CNST: variants seen among roughly 807,000 people sequenced by gnomAD.
The protein encoded by CNST is consortin, connexin sorting protein, also known as consortin.
In CNST, 39 loss-of-function variants were observed where a neutral mutation model predicts 72.4. The observed-to-expected ratio is 0.54, with a 90% CI of 0.42 to 0.70. CNST has a LOEUF of 0.70. Among genes scored for constraint, CNST ranks in the 30% least tolerant of loss-of-function variants. The pLI is 0.00. For missense variants in CNST, 871 were observed against 868.5 expected (o/e 1.00, Z -0.04); for synonymous variants, 332 against 320.1 (o/e 1.04, Z -0.40).
Position 246,570,410 on chromosome 1 carries a change from A to AT in CNST, c.-52+3748dup, listed in dbSNP as rs370812372. ...AATACTACTTTAGCTGCTGTGTGTT[A>AT]TATCTACATTAATAGCTAAATTAGC... On this transcript the variant is annotated intron_variant, in intron 1 of 10. Transcript: ENST00000366513. Among the ~76,000 whole-genome samples, 221 of 152,358 alleles carry AT rather than the reference A, an allele frequency of 1.5e-3. 1 individual carries two copies. The highest frequency in any genetic ancestry group is 5.0e-3 in the African/African-American group (208 of 41,576).
chr1:246,594,747 C>T (rs981639845), intron 2 of CNST, among the ~76,000 whole-genome samples: 2 of 152,048 alleles, frequency 1.3e-5, no homozygotes, highest in Admixed American at 6.6e-5. Flanking sequence ...CCAGTCTAGG[C>T]GATAGTGCCA....
intron 4 of CNST, among the ~76,000 whole-genome samples, chr1:246,633,482 C>T (rs1162675869): frequency 1.3e-5 from 2 of 150,860 alleles, no homozygotes; most frequent in African/African-American, 2.4e-5. Context: ...GTGATTCATG[C>T]CTGTAATCCC....
At chr1:246,621,852 G>A (rs553756255) in intron 3 of CNST, among the ~76,000 whole-genome samples, 9 of 152,114 alleles carry the variant, frequency 5.9e-5, no homozygotes, top group South Asian at 2.1e-4. Flanking sequence ...AAAATTAGCC[G>A]GGCATGGTGG....
At chr1:246,614,243 G>C (rs1022499531) in intron 2 of CNST, among the ~76,000 whole-genome samples, 3 of 152,020 alleles carry the variant, frequency 2.0e-5, no homozygotes, top group Non-Finnish European at 4.4e-5. Flanking sequence ...AGAGACTGAA[G>C]GTAATTTTAT....
intron 2 of CNST, among the ~76,000 whole-genome samples, chr1:246,618,096 C>G (rs528091728): frequency 6.6e-6 from 1 of 152,292 alleles, no homozygotes; most frequent in African/African-American, 2.4e-5. Context: ...CTAGAAGATA[C>G]TTGTATTAGG....
At chr1:246,660,441 G>C in intron 10 of CNST, 107 bp downstream of exon 10, 1 of 1,273,966 alleles carries the variant, frequency 7.8e-7, no homozygotes, top group Non-Finnish European at 1.1e-6. Context: ...AAAAGACTAT[G>C]TCCGCCAGGC....
At chr1:246,662,219 G>C (rs1237969054) in intron 10 of CNST, among the ~76,000 whole-genome samples, 1 of 152,168 alleles carries the variant, frequency 6.6e-6, no homozygotes, top group East Asian at 1.9e-4. Flanking sequence ...GACTTACACG[G>C]TGTTTTCATA....
intron 2 of CNST, among the ~76,000 whole-genome samples, chr1:246,598,381 C>G (rs1185858226): frequency 6.6e-6 from 1 of 152,032 alleles, no homozygotes; most frequent in Non-Finnish European, 1.5e-5. Flanking sequence ...CTTCTTTTGT[C>G]AGTACTTTTT....
rs1410230227 is a variant in CNST, at chr1:246,647,684, A to T, written c.1483A>T (p.Lys495Ter). Residue 495 changes from lysine (K) to a stop codon, truncating the protein, a stop_gained, in exon 9 of 11, where the codon AAA becomes TAA. Coordinates refer to ENST00000366513, the MANE Select transcript of CNST (RefSeq NM_152609.3). LOFTEE classifies it high-confidence loss of function. The stretch of plus-strand genomic sequence containing the variant: ...GCCTGATCTTACAGACAGTGATGGA[A>T]AATCACCACAGGCGCAGGCTGACTC... ...QQPDLTDSDG[K>*]SPQAQADSDG... 1 of 1,614,200 alleles carries T rather than the reference A, an allele frequency of 6.2e-7. No homozygotes were observed. The highest frequency in any genetic ancestry group is 1.3e-5 in the African/African-American group (1 of 75,050).
At chr1:246,662,680 C>T (rs922304295) in intron 10 of CNST, among the ~76,000 whole-genome samples, 1 of 152,188 alleles carries the variant, frequency 6.6e-6, no homozygotes, top group Non-Finnish European at 1.5e-5. Flanking sequence ...CGTGAGCCAC[C>T]GCACCTGGCC....
In CNST at chr1:246,666,337, CTTATGGTTTCAG is replaced by C. The variant is rs1667389134; in HGVS notation, c.*434_*445del. The stretch of plus-strand genomic sequence containing the variant: ...TTTGTGTGTAATCAGAAGGAGTTAC[CTTATGGTTTCAG>C]TGTCATTCTTTAGTTAACTTGGGAG... On this transcript the variant is annotated 3_prime_UTR_variant, in exon 11 of 11. Transcript: ENST00000366513. 2 of 157,088 alleles carry C rather than the reference CTTATGGTTTCAG, an allele frequency of 1.3e-5. No homozygotes were observed. The highest frequency in any genetic ancestry group is 4.8e-5 in the African/African-American group (2 of 41,566). 9.7% of individuals were successfully genotyped at this position (157,088 alleles called of 1,614,324 possible).
intron 2 of CNST, among the ~76,000 whole-genome samples, chr1:246,605,422 T>TA (rs1553374654): frequency 1.3e-5 from 2 of 152,176 alleles, no homozygotes. Context: ...AAGGCTCTAA[T>TA]ATCAGTTGGA....
At chr1:246,570,557 A>G (rs1343455786) in intron 1 of CNST, among the ~76,000 whole-genome samples, 1 of 152,202 alleles carries the variant, frequency 6.6e-6, no homozygotes, top group Non-Finnish European at 1.5e-5. Context: ...TGTCAAATAT[A>G]GTCATGATAG....
intron 10 of CNST, among the ~76,000 whole-genome samples, chr1:246,661,776 G>A (rs1667117737): frequency 6.6e-6 from 1 of 152,178 alleles, no homozygotes; most frequent in African/African-American, 2.4e-5. Flanking sequence ...AAATATTTAG[G>A]TATGCTTTCT....
chr1:246,600,855 A>G (rs1662239765), intron 2 of CNST, among the ~76,000 whole-genome samples: 1 of 152,218 alleles, frequency 6.6e-6, no homozygotes, highest in South Asian at 2.1e-4. Context: ...GACCTAGTCT[A>G]ACTTCTTAGA....
At chr1:246,618,106 G>A (rs1205764045) in intron 2 of CNST, among the ~76,000 whole-genome samples, 1 of 152,190 alleles carries the variant, frequency 6.6e-6, no homozygotes, top group African/African-American at 2.4e-5. Flanking sequence ...CTTGTATTAG[G>A]TGGGTAACCT....
intron 2 of CNST, among the ~76,000 whole-genome samples, chr1:246,594,376 C>T (rs1278549907): frequency 2.0e-5 from 3 of 152,046 alleles, no homozygotes; most frequent in Non-Finnish European, 1.5e-5. Context: ...AATTACTATT[C>T]CCTAATGCAT....
At chr1:246,590,859 CTTTT>C (rs373861233) in intron 1 of CNST, among the ~76,000 whole-genome samples, 6,218 of 135,772 alleles carry the variant, frequency 0.046, 178 homozygotes, top group Middle Eastern at 0.091. Flanking sequence ...TAACCATGGC[CTTTT>C]TTTTTTTTTT....
chr1:246,654,920 A>G (rs1666690062), intron 9 of CNST, among the ~76,000 whole-genome samples: 3 of 152,202 alleles, frequency 2.0e-5, no homozygotes, highest in Non-Finnish European at 4.4e-5. Flanking sequence ...CTGCTCTCAT[A>G]AAGCTTACTT....
Sources: allele counts gnomAD v4.1 joint callset (sites outside exome capture counted in the v4.1 genomes callset), GRCh38; gene constraint gnomAD v4.1.1; transcripts MANE v1.5; gene names NCBI Gene and HGNC (gene_info 2026-07-23, HGNC 2026-07-21).